SESN1: variants seen among roughly 807,000 people sequenced by gnomAD.
SESN1 encodes the protein sestrin 1.
A neutral mutation model predicts 59.3 loss-of-function variants in SESN1; 30 were observed. The observed-to-expected ratio is 0.51, with a 90% CI of 0.38 to 0.69. SESN1 has a LOEUF of 0.69. Ranked by LOEUF, SESN1 falls within the 30% of genes least tolerant of loss-of-function variation. SESN1 has a pLI of 0.00. For synonymous variants in SESN1, 197 were observed against 219.9 expected, an observed-to-expected ratio of 0.90 and a Z score of 0.92; for missense variants, 566 against 673.0, an observed-to-expected ratio of 0.84 and a Z score of 1.76.
intron 1 of SESN1, among the ~76,000 whole-genome samples, chr6:109,071,353 CTTT>C (rs78641650): frequency 4.4e-5 from 6 of 136,584 alleles, no homozygotes; most frequent in Admixed American, 1.5e-4. Flanking sequence ...GTTTTTGTTT[CTTT>C]TTTTTTTTTT....
intron 1 of SESN1, among the ~76,000 whole-genome samples, chr6:109,093,413 T>C (rs1781373504): frequency 1.3e-5 from 2 of 152,214 alleles, no homozygotes; most frequent in South Asian, 4.1e-4. Context: ...CCAATTATCT[T>C]GAACAGGCTG....
At chr6:109,092,619 C>T (rs1425544987) in intron 1 of SESN1, among the ~76,000 whole-genome samples, 1 of 152,172 alleles carries the variant, frequency 6.6e-6, no homozygotes, top group Non-Finnish European at 1.5e-5. Context: ...GTCCTCCACC[C>T]TTTGCTGCAC....
At chr6:109,069,958 G>A (rs972753986) in intron 1 of SESN1, among the ~76,000 whole-genome samples, 5 of 152,110 alleles carry the variant, frequency 3.3e-5, no homozygotes, top group African/African-American at 9.7e-5. Flanking sequence ...TTATTATCAC[G>A]CTAATCCAAG....
intron 1 of SESN1, among the ~76,000 whole-genome samples, chr6:109,003,295 C>T (rs1351951226): frequency 1.3e-5 from 2 of 149,708 alleles, no homozygotes; most frequent in Non-Finnish European, 3.0e-5. Flanking sequence ...TCATATAATT[C>T]TACTCTCTCC....
intron 1 of SESN1, among the ~76,000 whole-genome samples, chr6:109,055,537 C>T (rs1413024456): frequency 6.6e-6 from 1 of 151,632 alleles, no homozygotes; most frequent in Non-Finnish European, 1.5e-5. Context: ...GTGGCAGGCA[C>T]CTGTAATCCC....
intron 1 of SESN1, 21 bp downstream of exon 1, chr6:109,093,774 A>C: frequency 3.7e-6 from 6 of 1,605,848 alleles, no homozygotes; most frequent in Non-Finnish European, 5.1e-6. Flanking sequence ...ACATAGTTGT[A>C]TTTAAAATGC....
chr6:109,037,136 A>G (rs778497902), intron 1 of SESN1, among the ~76,000 whole-genome samples: 20 of 152,232 alleles, frequency 1.3e-4, no homozygotes, highest in Non-Finnish European at 1.8e-4. Context: ...CCAATGGGCC[A>G]TAAGTCCAGA....
At chr6:109,054,675 G>A (rs1780600041) in intron 1 of SESN1, among the ~76,000 whole-genome samples, 1 of 151,998 alleles carries the variant, frequency 6.6e-6, no homozygotes, top group East Asian at 1.9e-4. Flanking sequence ...TGGCACACTT[G>A]TTCAAAATTT....
chr6:109,086,924 G>C (rs184826944), intron 1 of SESN1, among the ~76,000 whole-genome samples: 139 of 152,244 alleles, frequency 9.1e-4, no homozygotes, highest in Non-Finnish European at 1.3e-3. Context: ...ACAAGGTCAG[G>C]AGTTCAAGAC....
chr6:109,016,920 T>A (rs887434590), intron 1 of SESN1, among the ~76,000 whole-genome samples: 2 of 152,162 alleles, frequency 1.3e-5, no homozygotes, highest in Non-Finnish European at 2.9e-5. Context: ...TTTATTCAGA[T>A]GATATAAATT....
At chr6:109,064,101 G>C (rs1034982734) in intron 1 of SESN1, among the ~76,000 whole-genome samples, 1 of 152,108 alleles carries the variant, frequency 6.6e-6, no homozygotes, top group African/African-American at 2.4e-5. Context: ...TCATGAAATA[G>C]TCTTAGAATC....
At chr6:108,988,774 C>A (rs1250185134) in intron 8 of SESN1, 87 bp from the exon 9 acceptor site, 1 of 1,079,972 alleles carries the variant, frequency 9.3e-7, no homozygotes, top group East Asian at 2.8e-5. Flanking sequence ...ATAGTTAATA[C>A]TGTATTTTTT....
chr6:109,068,504 T>C (rs949051922), intron 1 of SESN1, among the ~76,000 whole-genome samples: 9 of 151,524 alleles, frequency 5.9e-5, no homozygotes, highest in Non-Finnish European at 8.8e-5. Context: ...AGATATAAAG[T>C]AAAAAGACAA....
intron 1 of SESN1, among the ~76,000 whole-genome samples, chr6:109,006,956 A>G (rs994955985): frequency 6.6e-6 from 1 of 152,234 alleles, no homozygotes; most frequent in Non-Finnish European, 1.5e-5. Flanking sequence ...TCTAGGAGAC[A>G]GAACTGCCAC....
chr6:109,041,153 C>A (rs1254542404), intron 1 of SESN1, among the ~76,000 whole-genome samples: 24 of 141,864 alleles, frequency 1.7e-4, no homozygotes, highest in South Asian at 4.6e-4. Context: ...AAAAAAAAAA[C>A]AAACCAAAAC....
intron 1 of SESN1, among the ~76,000 whole-genome samples, chr6:109,073,009 T>C (rs1003980831): frequency 2.0e-5 from 3 of 150,408 alleles, no homozygotes; most frequent in Non-Finnish European, 3.0e-5. Flanking sequence ...AATAAAGTGT[T>C]TTTTTGTTTG....
intron 1 of SESN1, among the ~76,000 whole-genome samples, chr6:109,055,208 C>T (rs1456482526): frequency 1.3e-5 from 2 of 152,182 alleles, no homozygotes; most frequent in South Asian, 2.1e-4. Flanking sequence ...TAACCCTGGT[C>T]CTTATCTCCG....
chr6:108,987,994 A>G (rs1217739435), intron 9 of SESN1, among the ~76,000 whole-genome samples: 1 of 151,992 alleles, frequency 6.6e-6, no homozygotes, highest in Admixed American at 6.6e-5. Flanking sequence ...TAGTATCACC[A>G]TGTTGGACAG....
rs529293370 is a variant in SESN1 at position 109,061,790 on chromosome 6, C to T, written c.279+32005G>A. On this transcript the variant is annotated intron_variant, in intron 1 of 9. Coordinates refer to ENST00000436639, the MANE Select transcript of SESN1 (RefSeq NM_014454.3). ...CTGCACTCCAGCCTGGGCAACAGAG[C>T]GAGATCCTGTCTCAAAAAAAAAATT... is the stretch of plus-strand genomic sequence containing the variant. Among the ~76,000 whole-genome samples, 165 of 151,948 alleles carry T rather than the reference C, an allele frequency of 1.1e-3. 1 individual carries two copies. Among genetic ancestry groups the T allele is most frequent in the African/African-American group, 3.5e-3 (143 of 41,396 alleles).
Sources: allele counts gnomAD v4.1 joint callset (sites outside exome capture counted in the v4.1 genomes callset), GRCh38; gene constraint gnomAD v4.1.1; transcripts MANE v1.5; gene names NCBI Gene and HGNC (gene_info 2026-07-23, HGNC 2026-07-21).